Variants in PRKN observed in about 807,000 individuals in gnomAD.
The protein encoded by PRKN is parkin RBR E3 ubiquitin protein ligase, also known as E3 ubiquitin-protein ligase parkin.
Under a neutral mutation model 59.5 loss-of-function variants are expected in PRKN, and 56 were observed. The ratio of observed to expected loss-of-function variants is 0.94; its 90% CI spans 0.76 to 1.18. The LOEUF (loss-of-function observed/expected upper bound fraction) is 1.18. PRKN is among the 50% of genes most tolerant of loss of function. PRKN has a pLI of 0.00. For missense variants in PRKN, 657 were observed against 596.4 expected, an observed-to-expected ratio of 1.10 and a Z score of -1.06; for synonymous variants, 250 against 222.1, an observed-to-expected ratio of 1.13 and a Z score of -1.12.
At chr6:162,139,305 T>C (rs1781680736) in intron 4 of PRKN, among the ~76,000 whole-genome samples, 1 of 152,214 alleles carries the variant, frequency 6.6e-6, no homozygotes. Context: ...TAAGTCCTTG[T>C]AGATTAAAAT....
At chr6:161,553,426 CCTCT>C (rs1231157323) in intron 8 of PRKN, among the ~76,000 whole-genome samples, 1 of 151,618 alleles carries the variant, frequency 6.6e-6, no homozygotes, top group Admixed American at 6.6e-5. Flanking sequence ...TTGGTCCCTC[CCTCT>C]ATCTCTCTGT....
At chr6:162,319,481 T>C (rs530628556) in intron 2 of PRKN, among the ~76,000 whole-genome samples, 2 of 152,168 alleles carry the variant, frequency 1.3e-5, no homozygotes, top group South Asian at 4.1e-4. Flanking sequence ...TAATAGCTGT[T>C]TTAATGCTCT....
At chr6:161,718,300 C>T (rs957846449) in intron 7 of PRKN, among the ~76,000 whole-genome samples, 2 of 152,134 alleles carry the variant, frequency 1.3e-5, no homozygotes, top group Non-Finnish European at 2.9e-5. Context: ...ATCCAGGGTG[C>T]AACTGCAGGA....
chr6:162,189,971 G>T (rs538100067), intron 4 of PRKN, among the ~76,000 whole-genome samples: 1 of 152,094 alleles, frequency 6.6e-6, no homozygotes, highest in Non-Finnish European at 1.5e-5. Flanking sequence ...ATGAAATTCT[G>T]TATGCACAAC....
At chr6:162,703,210 A>G (rs1778221435) in intron 1 of PRKN, among the ~76,000 whole-genome samples, 1 of 152,230 alleles carries the variant, frequency 6.6e-6, no homozygotes, top group Admixed American at 6.5e-5. Context: ...AGTAGTACAG[A>G]GAGTTCATTT....
chr6:161,847,060 A>G (rs1793229383), intron 6 of PRKN, among the ~76,000 whole-genome samples: 1 of 152,186 alleles, frequency 6.6e-6, no homozygotes, highest in Non-Finnish European at 1.5e-5. Context: ...CTGCAATCCC[A>G]GCACTGTGGG....
chr6:161,396,788 C>T lies in PRKN; in HGVS notation c.1084-9911G>A, dbSNP rs958049890. 2.0e-5 allele frequency among the ~76,000 whole-genome samples: 3 copies of T among 152,102 alleles called. No homozygotes were observed. The highest frequency in any genetic ancestry group is 6.5e-5 in the Admixed American group (1 of 15,282). On this transcript the variant is annotated intron_variant, in intron 9 of 11. Coordinates refer to ENST00000366898, the MANE Select transcript of PRKN (RefSeq NM_004562.3). The surrounding 1 kb of genome is among the most constrained non-coding windows in gnomAD (Gnocchi z 5.4). ...ATGCTCTCTAGCACAGCAGGGGAGGCGAAATGCTTTCCCTGAATACCTGGG... is the reference window on the plus strand; with the variant it reads ...ATGCTCTCTAGCACAGCAGGGGAGGTGAAATGCTTTCCCTGAATACCTGGG...
intron 6 of PRKN, among the ~76,000 whole-genome samples, chr6:161,898,468 G>A (rs1389657402): frequency 6.6e-6 from 1 of 152,134 alleles, no homozygotes; most frequent in African/African-American, 2.4e-5. Context: ...TTCTCCAAAT[G>A]GATATAATTA....
intron 2 of PRKN, among the ~76,000 whole-genome samples, chr6:162,414,736 T>C (rs1788540499): frequency 1.3e-5 from 1 of 74,808 alleles, no homozygotes; most frequent in African/African-American, 6.6e-5. Context: ...AAGTGAATCT[T>C]TGAAGTTTTA....
chr6:161,816,612 G>A (rs3016537), intron 6 of PRKN, among the ~76,000 whole-genome samples: 105,152 of 151,898 alleles, frequency 0.69, 36,739 homozygotes, highest in East Asian at 0.79. Flanking sequence ...TTCTCACAAT[G>A]CAGCTGGAGG....
chr6:161,796,602 A>G (rs779214307), intron 6 of PRKN, among the ~76,000 whole-genome samples: 3 of 152,200 alleles, frequency 2.0e-5, no homozygotes, highest in Non-Finnish European at 4.4e-5. Flanking sequence ...AAAAATTATC[A>G]CGATACTTTC....
At chr6:161,727,247 C>G (rs944027029) in intron 7 of PRKN, among the ~76,000 whole-genome samples, 1 of 152,162 alleles carries the variant, frequency 6.6e-6, no homozygotes, top group Non-Finnish European at 1.5e-5. Context: ...GCCGTCCAAC[C>G]AACCCCTGCA....
chr6:162,272,395 A>G, intron 2 of PRKN, among the ~76,000 whole-genome samples: 2 of 152,280 alleles, frequency 1.3e-5, no homozygotes, highest in Admixed American at 1.3e-4. Context: ...TAGTTGTGAT[A>G]AATATTATGA....
chr6:162,067,737 G>C (rs1185626486), intron 4 of PRKN, among the ~76,000 whole-genome samples: 1 of 152,126 alleles, frequency 6.6e-6, no homozygotes, highest in Non-Finnish European at 1.5e-5. Context: ...CTCATCCCTA[G>C]TGACCTATAA....
chr6:162,249,131 G>A (rs766450589), intron 3 of PRKN, among the ~76,000 whole-genome samples: 1 of 152,118 alleles, frequency 6.6e-6, no homozygotes, highest in African/African-American at 2.4e-5. Context: ...GCCCGCCTTG[G>A]CCTCCCAAAG....
rs868007490 is a variant in PRKN, at chr6:162,538,856, A to C, written c.8-95383T>G. Among the ~76,000 whole-genome samples, 5 of 152,326 alleles carry C rather than the reference A, an allele frequency of 3.3e-5. 1 individual carries two copies. In the Middle Eastern group the frequency reaches 0.017, roughly 518 times the overall value. On this transcript the variant is annotated intron_variant, in intron 1 of 11. Transcript: ENST00000366898. ...TTAAAAAGACACAGCTGTCTATTTC[A>C]GTGTACACATGCTTGGTAGCATGGG...
At chr6:161,605,864 T>A (rs1303469800) in intron 7 of PRKN, among the ~76,000 whole-genome samples, 2 of 151,958 alleles carry the variant, frequency 1.3e-5, no homozygotes, top group Middle Eastern at 6.3e-3. Flanking sequence ...CTCTGATGAG[T>A]GGCATATAGA....
At chr6:162,360,851 T>C (rs1176231461) in intron 2 of PRKN, among the ~76,000 whole-genome samples, 2 of 152,172 alleles carry the variant, frequency 1.3e-5, no homozygotes, top group Non-Finnish European at 2.9e-5. Flanking sequence ...GCATGAGACA[T>C]ACTGATTAAA....
At chr6:161,745,316 T>G (rs1788369731) in intron 7 of PRKN, among the ~76,000 whole-genome samples, 1 of 152,176 alleles carries the variant, frequency 6.6e-6, no homozygotes, top group Admixed American at 6.5e-5. Context: ...GTGGTGGCCT[T>G]GCCAGAGCCT....
Sources: allele counts gnomAD v4.1 joint callset (sites outside exome capture counted in the v4.1 genomes callset), GRCh38; gene constraint gnomAD v4.1.1; non-coding constraint Gnocchi (gnomAD v3.1); transcripts MANE v1.5; gene names NCBI Gene and HGNC (gene_info 2026-07-23, HGNC 2026-07-21).